The following VCL variants were observed in gnomAD, a reference collection of about 807,000 sequenced individuals.
The protein encoded by VCL is epididymis luminal protein 114.
In VCL, 47 loss-of-function variants were observed where a neutral mutation model predicts 125.7. That is an observed-to-expected ratio of 0.37 (90% CI 0.30 to 0.48). The LOEUF (loss-of-function observed/expected upper bound fraction) is 0.48, where lower values mean the gene tolerates loss of function less well. VCL is among the 20% of genes least tolerant of loss of function. VCL has a pLI of 0.99. For synonymous variants in VCL, 458 were observed against 514.6 expected (o/e 0.89, Z 1.49); for missense variants, 1,069 against 1,455.5 (o/e 0.73, Z 4.32).
intron 2 of VCL, among the ~76,000 whole-genome samples, chr10:74,059,556 C>T (rs1415629166): frequency 1.3e-5 from 2 of 152,074 alleles, no homozygotes; most frequent in African/African-American, 4.8e-5. Context: ...AGGCATGTGC[C>T]ACCACGCTTG....
At chr10:74,041,564 G>A (rs1049659714) in intron 1 of VCL, among the ~76,000 whole-genome samples, 5 of 152,252 alleles carry the variant, frequency 3.3e-5, no homozygotes, top group Admixed American at 6.5e-5. Context: ...ACAGATAATT[G>A]TGTACTGAGA....
Position 74,048,464 on chromosome 10 carries a change from CA to C in VCL, c.239+5327del, listed in dbSNP as rs369346650. Among the ~76,000 whole-genome samples, 508 of 119,180 alleles carry C rather than the reference CA, an allele frequency of 4.3e-3. 1 individual carries two copies. The highest frequency in any genetic ancestry group is 0.012 in the African/African-American group (353 of 29,072). The allele number at this position is 119,180 out of a possible 152,430, so 78.2% of individuals were successfully genotyped here. On this transcript the variant is annotated intron_variant, in intron 2 of 21. Transcript: ENST00000211998. ...CCTGGGCAAGAGCGAAACTCTGTCT[CA>C]AAAAAAAAAAAAAAAGAAAAGAAAT...
chr10:74,077,286 AAG>A (rs1251671951), intron 6 of VCL: 6 of 152,708 alleles, frequency 3.9e-5, no homozygotes, highest in African/African-American at 1.4e-4. Flanking sequence ...AGAATAAAAA[AAG>A]AGGTTTATTT....
intron 1 of VCL, among the ~76,000 whole-genome samples, chr10:74,030,673 T>C (rs1201332243): frequency 6.6e-6 from 1 of 152,212 alleles, no homozygotes; most frequent in Non-Finnish European, 1.5e-5. Context: ...TTGGGACATT[T>C]GGGTTCCAGT....
intron 2 of VCL, among the ~76,000 whole-genome samples, chr10:74,056,000 A>G (rs79364033): frequency 0.022 from 3,291 of 152,314 alleles, 55 homozygotes; most frequent in East Asian, 0.06. Context: ...AGGAACATAT[A>G]GCTTGGGCAG....
chr10:74,036,989 C>G (rs980218447), intron 1 of VCL, among the ~76,000 whole-genome samples: 2 of 151,818 alleles, frequency 1.3e-5, no homozygotes, highest in African/African-American at 4.8e-5. Flanking sequence ...TGGCTCACTG[C>G]AAGCTCTGCC....
chr10:74,074,056 C>T (rs144075927), intron 5 of VCL, among the ~76,000 whole-genome samples: 9,564 of 152,076 alleles, frequency 0.063, 1,035 homozygotes, highest in African/African-American at 0.22. Flanking sequence ...GGCAAAACCC[C>T]GTCTCTACTA....
At chr10:74,089,501 A>G (rs1214649997) in intron 9 of VCL, 152 bp downstream of exon 9, 15 of 1,127,298 alleles carry the variant, frequency 1.3e-5, no homozygotes, top group Non-Finnish European at 1.5e-5. Context: ...ACCAATGTTA[A>G]CACCTCCTTT....
intron 13 of VCL, among the ~76,000 whole-genome samples, chr10:74,099,584 C>T (rs1591709069): frequency 6.6e-6 from 1 of 152,180 alleles, no homozygotes; most frequent in Admixed American, 6.5e-5. Context: ...TTTGTGTCCT[C>T]AGCACCTGTC....
At chr10:74,093,339 C>T (rs868416197) in intron 10 of VCL, among the ~76,000 whole-genome samples, 4 of 152,112 alleles carry the variant, frequency 2.6e-5, no homozygotes, top group South Asian at 2.1e-4. Context: ...TCTGAAGTCA[C>T]GGTGCTGGGT....
At chr10:74,092,455 G>T (rs1001658655) in intron 10 of VCL, among the ~76,000 whole-genome samples, 12 of 152,184 alleles carry the variant, frequency 7.9e-5, no homozygotes, top group Admixed American at 4.6e-4. Context: ...CAAGTAAAAA[G>T]TAGAGGATTA....
At chr10:74,017,140 C>T (rs1454255217) in intron 1 of VCL, among the ~76,000 whole-genome samples, 2 of 145,300 alleles carry the variant, frequency 1.4e-5, no homozygotes, top group African/African-American at 2.6e-5. Context: ...CTCCGCCTCC[C>T]GGGTTCACGC....
Position 74,094,393 on chromosome 10 carries a change from A to G in VCL, c.1475A>G (p.His492Arg). The G allele has an allele frequency of 2.5e-6, 4 of 1,614,172 alleles. No individual in the cohort carries two copies. The highest frequency in any genetic ancestry group is 3.4e-6 in the Non-Finnish European group (4 of 1,180,034). The change falls in exon 11 of 22, where the codon CAC becomes CGC. Residue 492 changes from histidine to arginine, a missense_variant. By Grantham distance (29) the His-to-Arg change is conservative (BLOSUM62 0). Transcript: ENST00000211998. Reference protein sequence around the residue: ...ANSRPAKAAVHLEGKIEQAQR... With the variant: ...ANSRPAKAAVRLEGKIEQAQR... ...AGCAGACCGGCCAAAGCAGCTGTAC[A>G]CCTTGAGGGCAAGATTGAGCAAGCA... is the stretch of plus-strand genomic sequence containing the variant.
At chr10:74,024,329 G>C (rs980523691) in intron 1 of VCL, among the ~76,000 whole-genome samples, 2 of 152,070 alleles carry the variant, frequency 1.3e-5, no homozygotes, top group African/African-American at 4.8e-5. Context: ...ACTTTTTGCC[G>C]GCTGGGCGCA....
chr10:74,118,299 T>C lies in VCL; in HGVS notation c.*130T>C. ...CCTGGCCTGGCACATCAGAAAGGAA[T>C]GGGGGCCTCTTCAAATTAGAAGACA... On this transcript the variant is annotated 3_prime_UTR_variant, in exon 22 of 22. Transcript: ENST00000211998. 2 of 1,088,376 alleles carry C rather than the reference T, an allele frequency of 1.8e-6. No homozygotes were observed. Among genetic ancestry groups the C allele is most frequent in the South Asian group, 1.3e-5 (1 of 75,870 alleles). 67.4% of individuals were successfully genotyped at this position (1,088,376 alleles called of 1,614,324 possible). A position where few individuals can be genotyped will look rare whatever the true frequency, so the allele number is the denominator to read the frequency against.
In VCL at chr10:74,025,696, G is replaced by A. The variant is rs11000856; in HGVS notation, c.169-17387G>A. Among the ~76,000 whole-genome samples, 117 of 116,052 alleles carry A rather than the reference G, an allele frequency of 1.0e-3. 3 individuals carry two copies. In the South Asian group the frequency reaches 0.013, roughly 13 times the overall value. 76.1% of individuals were successfully genotyped at this position (116,052 alleles called of 152,430 possible). ...GCAGGGAGGGAGAGAGGGAGGGAGGGAGGAAGGAAGGGAGGGAGGGAGGGA... is the reference window on the plus strand; with the variant it reads ...GCAGGGAGGGAGAGAGGGAGGGAGGAAGGAAGGAAGGGAGGGAGGGAGGGA... On this transcript the variant is annotated intron_variant, in intron 1 of 21. Transcript: ENST00000211998.
chr10:74,111,893 C>A lies in VCL; in HGVS notation c.2746-16C>A, dbSNP rs1306223787. The stretch of plus-strand genomic sequence containing the variant: ...AACACTATCCCTATTTCTCATCCTT[C>A]CCGCCATCGACAAAGCCGGGCATCC... On this transcript the variant is annotated splice_polypyrimidine_tract_variant and intron_variant, in intron 18 of 21. Coordinates refer to ENST00000211998, the MANE Select transcript of VCL (RefSeq NM_014000.3). 6.2e-7 allele frequency: 1 copy of A among 1,614,006 alleles called. No homozygotes were observed. The highest frequency in any genetic ancestry group is 8.5e-7 in the Non-Finnish European group (1 of 1,180,014).
chr10:74,071,093 A>G lies in VCL; in HGVS notation c.499+10A>G. ...AAGAATCTTGGGCCAGGTTAGTTTTATCCAATTTCTATAACATTTTTTAAG... is the reference window on the plus strand; with the variant it reads ...AAGAATCTTGGGCCAGGTTAGTTTTGTCCAATTTCTATAACATTTTTTAAG... On this transcript the variant is annotated intron_variant, in intron 4 of 21. Coordinates refer to ENST00000211998, the MANE Select transcript of VCL (RefSeq NM_014000.3). The surrounding 1 kb of genome is among the most constrained non-coding windows in gnomAD (Gnocchi z 4.1). 1 of 1,612,154 alleles carries G rather than the reference A, an allele frequency of 6.2e-7. No homozygotes were observed. Among genetic ancestry groups the G allele is most frequent in the Non-Finnish European group, 8.5e-7 (1 of 1,178,266 alleles).
At chr10:74,044,916 C>T (rs1489405905) in intron 2 of VCL, among the ~76,000 whole-genome samples, 1 of 152,104 alleles carries the variant, frequency 6.6e-6, no homozygotes, top group Non-Finnish European at 1.5e-5. Flanking sequence ...CAGTGGCTCA[C>T]ACCTGTAATC....
Sources: allele counts gnomAD v4.1 joint callset (sites outside exome capture counted in the v4.1 genomes callset), GRCh38; gene constraint gnomAD v4.1.1; non-coding constraint Gnocchi (gnomAD v3.1); transcripts MANE v1.5; gene names NCBI Gene and HGNC (gene_info 2026-07-23, HGNC 2026-07-21).